The following SHC3 variants were observed in gnomAD, a reference collection of about 807,000 sequenced individuals.
The protein encoded by SHC3 is SHC-transforming protein 3.
In SHC3, 15 loss-of-function variants were observed where a neutral mutation model predicts 60.4. That is an observed-to-expected ratio of 0.25 (90% CI 0.17 to 0.38). SHC3 has a LOEUF of 0.38. SHC3 is among the 10% of genes least tolerant of loss of function. The pLI is 1.00. For missense variants in SHC3, 677 were observed against 786.1 expected (o/e 0.86, Z 1.66); for synonymous variants, 294 against 325.9 (o/e 0.90, Z 1.05).
chr9:89,082,272 G>A (rs1825457187), intron 2 of SHC3, among the ~76,000 whole-genome samples: 1 of 152,006 alleles, frequency 6.6e-6, no homozygotes, highest in Non-Finnish European at 1.5e-5. Context: ...CCACACACCC[G>A]CTCCCTCCCA....
intron 11 of SHC3, among the ~76,000 whole-genome samples, chr9:89,028,978 T>G (rs1824424240): frequency 6.7e-6 from 1 of 149,382 alleles, no homozygotes; most frequent in East Asian, 1.9e-4. Flanking sequence ...AATATATATA[T>G]AGATATAGAT....
At position 89,037,774 on chromosome 9, in the gene SHC3, CTAAAAGTTT is replaced by C. The variant is rs1230403857; in HGVS notation, c.1656+210_1656+218del. Among the ~76,000 whole-genome samples the C allele has an allele frequency of 3.3e-5, 5 of 152,342 alleles. No individual in the cohort carries two copies. In the East Asian group the frequency reaches 9.6e-4, roughly 29 times the overall value. On this transcript the variant is annotated intron_variant, in intron 11 of 11. Coordinates refer to ENST00000375835, the MANE Select transcript of SHC3 (RefSeq NM_016848.6). ...AAGGCTTTCAGCCTAGGCCATAATT[CTAAAAGTTT>C]TAAAACTTGTGTGGGGCCCTGACCA...
chr9:89,110,542 T>G, intron 2 of SHC3: 15 of 837,624 alleles, frequency 1.8e-5, no homozygotes, highest in Non-Finnish European at 2.2e-5. Flanking sequence ...TGCTGTGTAT[T>G]CTTCAACTGG....
chr9:89,109,131 A>T, intron 2 of SHC3: 3 of 985,422 alleles, frequency 3.0e-6, no homozygotes, highest in Non-Finnish European at 3.6e-6. Context: ...GAAATCCTCT[A>T]CAAACAACAT....
intron 5 of SHC3, among the ~76,000 whole-genome samples, chr9:89,067,044 G>A (rs9969858): frequency 0.021 from 3,228 of 152,294 alleles, 37 homozygotes; most frequent in South Asian, 0.034. Context: ...TGCAGGGCGT[G>A]GCTCAGCTAA....
At chr9:89,127,518 C>A (rs933145207) in intron 1 of SHC3, among the ~76,000 whole-genome samples, 3 of 152,094 alleles carry the variant, frequency 2.0e-5, no homozygotes, top group Non-Finnish European at 4.4e-5. Context: ...CATGAAACCC[C>A]AGGAATTAAA....
At chr9:89,016,585 C>T (rs974644067) in intron 11 of SHC3, among the ~76,000 whole-genome samples, 2 of 152,102 alleles carry the variant, frequency 1.3e-5, no homozygotes, top group African/African-American at 4.8e-5. Context: ...TAGTGAATTC[C>T]ATCAAGCATT....
At chr9:89,057,973 G>A (rs1267627544) in intron 6 of SHC3, among the ~76,000 whole-genome samples, 1 of 152,212 alleles carries the variant, frequency 6.6e-6, no homozygotes, top group Non-Finnish European at 1.5e-5. Context: ...GGAAGGGGAG[G>A]CAGAGAGAGG....
intron 10 of SHC3, among the ~76,000 whole-genome samples, chr9:89,040,219 TCACCACCACC>T (rs1824661383): frequency 6.8e-6 from 1 of 146,652 alleles, no homozygotes; most frequent in Admixed American, 6.8e-5. Context: ...ATCATCATCA[TCACCACCACC>T]ATCACCACCA....
At chr9:89,155,174 G>A (rs1386968781) in intron 1 of SHC3, among the ~76,000 whole-genome samples, 1 of 152,194 alleles carries the variant, frequency 6.6e-6, no homozygotes, top group African/African-American at 2.4e-5. Flanking sequence ...CAGGTTCTCA[G>A]TGCTGTTTCT....
chr9:89,097,158 G>A (rs1825717100), intron 2 of SHC3, among the ~76,000 whole-genome samples: 1 of 149,058 alleles, frequency 6.7e-6, no homozygotes, highest in Admixed American at 6.7e-5. Context: ...CATCTCCTCA[G>A]AGGAGGCGGG....
Position 89,161,313 on chromosome 9 carries a change from CCTT to C in SHC3, c.474+16671_474+16673del, listed in dbSNP as rs553502326. ...GGTCATTTAAAAGTGTAGGCGCCCTCCTTCTCTCTCTCTTGCTCCCGCTTCTGC... is the reference window on the plus strand; with the variant it reads ...GGTCATTTAAAAGTGTAGGCGCCCTCCTCTCTCTCTTGCTCCCGCTTCTGC... On this transcript the variant is annotated intron_variant, in intron 1 of 11. Transcript: ENST00000375835. 3.6e-3 allele frequency among the ~76,000 whole-genome samples: 548 copies of C among 152,262 alleles called. 2 individuals carry two copies. The highest frequency in any genetic ancestry group is 0.012 in the African/African-American group (513 of 41,542).
At chr9:89,090,906 G>A (rs1300376884) in intron 2 of SHC3, among the ~76,000 whole-genome samples, 1 of 152,210 alleles carries the variant, frequency 6.6e-6, no homozygotes, top group Non-Finnish European at 1.5e-5. Context: ...TGGAAATGAC[G>A]GGGTGGGGTG....
At chr9:89,094,326 G>A (rs529040516) in intron 2 of SHC3, among the ~76,000 whole-genome samples, 1 of 152,282 alleles carries the variant, frequency 6.6e-6, no homozygotes, top group South Asian at 2.1e-4. Flanking sequence ...CCTGGTCAGG[G>A]AAGAAGAGTT....
In SHC3 at chr9:89,075,187, G is replaced by A. The variant is rs529932513; in HGVS notation, c.651C>T (p.Asn217=). The A allele has an allele frequency of 1.2e-6, 2 of 1,613,916 alleles. No individual in the cohort carries two copies. Among genetic ancestry groups the A allele is most frequent in the Admixed American group, 3.3e-5 (2 of 60,002 alleles). Residue 217 remains asparagine, a synonymous_variant, in exon 4 of 12, where the codon AAC becomes AAT. Coordinates refer to ENST00000375835, the MANE Select transcript of SHC3 (RefSeq NM_016848.6). ...KMLSSILGKS[N]LQFAGMSISL... is the part of the protein sequence containing the mutation. ...AGATGCTCATTCCCGCAAACTGGAG[G>A]TTGCTCTTTCCCAAGATGCTGGACA... is the stretch of plus-strand genomic sequence containing the variant.
intron 1 of SHC3, among the ~76,000 whole-genome samples, chr9:89,174,125 T>C (rs1326281870): frequency 1.3e-5 from 2 of 152,212 alleles, no homozygotes; most frequent in African/African-American, 4.8e-5. Context: ...AAATTTAAGA[T>C]ATTTTTATAC....
intron 11 of SHC3, among the ~76,000 whole-genome samples, chr9:89,019,385 G>A (rs1826160498): frequency 6.6e-6 from 1 of 152,022 alleles, no homozygotes; most frequent in Admixed American, 6.5e-5. Flanking sequence ...GTGGTCAGAA[G>A]GCCTCACCTA....
chr9:89,147,509 C>T lies in SHC3; in HGVS notation c.474+30478G>A, dbSNP rs143324777. On this transcript the variant is annotated intron_variant, in intron 1 of 11. Transcript: ENST00000375835. ...TTTTTTCCTTCCCTCCCTCCCTCTC[C>T]GCTTCCCCTTCTCCACTTCTCAGAT... Among the ~76,000 whole-genome samples the T allele has an allele frequency of 2.1e-4, 32 of 152,082 alleles. 1 individual carries two copies. The highest frequency in any genetic ancestry group is 6.8e-3 in the Middle Eastern group (2 of 294).
intron 11 of SHC3, chr9:89,037,364 T>C: frequency 1.6e-6 from 1 of 613,396 alleles, no homozygotes; most frequent in East Asian, 2.8e-5. Flanking sequence ...AATGGTTAGG[T>C]TGATTTAACT....
Sources: allele counts gnomAD v4.1 joint callset (sites outside exome capture counted in the v4.1 genomes callset), GRCh38; gene constraint gnomAD v4.1.1; transcripts MANE v1.5; gene names NCBI Gene and HGNC (gene_info 2026-07-23, HGNC 2026-07-21).